The following CDH18 variants were observed in gnomAD, a reference collection of about 807,000 sequenced individuals.
CDH18 encodes the protein cadherin-18.
CDH18 carries 31 observed loss-of-function variants against 67.9 expected under a neutral mutation model. The observed-to-expected ratio is 0.46, with a 90% CI of 0.34 to 0.62. CDH18 has a LOEUF of 0.62. Among genes scored for constraint, CDH18 ranks in the 20% least tolerant of loss-of-function variants. The probability of loss-of-function intolerance (pLI) is 0.01; values close to 1 mark genes in which losing one functional copy is unlikely to be tolerated. For synonymous variants in CDH18, 362 were observed against 347.2 expected, an observed-to-expected ratio of 1.04 and a Z score of -0.48; for missense variants, 890 against 975.5, an observed-to-expected ratio of 0.91 and a Z score of 1.17.
chr5:19,560,915 C>T (rs1739339812), intron 8 of CDH18, among the ~76,000 whole-genome samples: 1 of 152,070 alleles, frequency 6.6e-6, no homozygotes, highest in Non-Finnish European at 1.5e-5. Flanking sequence ...AAAAATTCAA[C>T]ATCACGAATT....
At chr5:19,871,248 T>C (rs749705569) in intron 2 of CDH18, among the ~76,000 whole-genome samples, 2 of 152,224 alleles carry the variant, frequency 1.3e-5, no homozygotes, top group South Asian at 4.1e-4. Flanking sequence ...TTTAAGGCAC[T>C]GCCTGTCATA....
At chr5:20,540,418 AAAC>A (rs1756989779) in intron 1 of CDH18, among the ~76,000 whole-genome samples, 1 of 152,192 alleles carries the variant, frequency 6.6e-6, no homozygotes, top group East Asian at 1.9e-4. Context: ...ATAACAATGA[AAAC>A]AATAATGATA....
At chr5:20,147,217 G>A (rs1750713447) in intron 2 of CDH18, among the ~76,000 whole-genome samples, 1 of 152,014 alleles carries the variant, frequency 6.6e-6, no homozygotes, top group Non-Finnish European at 1.5e-5. Context: ...GACTTAATAA[G>A]GTTGATTCAA....
chr5:19,655,016 G>T (rs1291220706), intron 5 of CDH18, among the ~76,000 whole-genome samples: 3 of 152,198 alleles, frequency 2.0e-5, no homozygotes, highest in Non-Finnish European at 4.4e-5. Context: ...GGATAGGGGG[G>T]TGTGGCAGGC....
At chr5:19,520,464 C>A (rs147676608) in intron 10 of CDH18, among the ~76,000 whole-genome samples, 193 bp downstream of exon 10, 1 of 152,228 alleles carries the variant, frequency 6.6e-6, no homozygotes, top group South Asian at 2.1e-4. Flanking sequence ...AGTTACATTT[C>A]GGATCCAAAG....
chr5:19,980,299 C>T (rs967782984), intron 2 of CDH18, among the ~76,000 whole-genome samples: 1 of 151,952 alleles, frequency 6.6e-6, no homozygotes, highest in Admixed American at 6.6e-5. Context: ...TGAGAGAAAT[C>T]ATAGATGACA....
chr5:19,820,625 G>A (rs1779775496), intron 3 of CDH18, among the ~76,000 whole-genome samples: 1 of 152,222 alleles, frequency 6.6e-6, no homozygotes. Flanking sequence ...CCCTGTGAGA[G>A]AGTGCAGCCT....
intron 5 of CDH18, among the ~76,000 whole-genome samples, chr5:19,659,333 G>A (rs1245564715): frequency 1.3e-5 from 2 of 151,926 alleles, no homozygotes; most frequent in Non-Finnish European, 2.9e-5. Flanking sequence ...GCATGGCTTT[G>A]GATTAATGTC....
At chr5:19,538,494 T>C (rs1580087197) in intron 9 of CDH18, among the ~76,000 whole-genome samples, 1 of 152,160 alleles carries the variant, frequency 6.6e-6, no homozygotes, top group Admixed American at 6.5e-5. Flanking sequence ...CATAATGTCA[T>C]CTTTATCGCA....
At chr5:19,675,045 G>A (rs1456941507) in intron 5 of CDH18, among the ~76,000 whole-genome samples, 2 of 152,036 alleles carry the variant, frequency 1.3e-5, no homozygotes, top group East Asian at 1.9e-4. Context: ...CTGGGTGTCT[G>A]GGGGAGACAT....
intron 2 of CDH18, among the ~76,000 whole-genome samples, chr5:20,097,372 T>A (rs1580234345): frequency 6.6e-6 from 1 of 152,064 alleles, no homozygotes; most frequent in Non-Finnish European, 1.5e-5. Context: ...CAAAGGGACG[T>A]CTTAAGTGGT....
chr5:19,480,731 G>A (rs143871301), intron 12 of CDH18, among the ~76,000 whole-genome samples: 173 of 151,120 alleles, frequency 1.1e-3, no homozygotes, highest in African/African-American at 4.0e-3. Context: ...TACATTTACT[G>A]TACATATTTA....
intron 2 of CDH18, among the ~76,000 whole-genome samples, chr5:20,165,874 T>C: frequency 6.6e-6 from 1 of 152,260 alleles, no homozygotes; most frequent in African/African-American, 2.4e-5. Context: ...TAATTCTATA[T>C]ATTAGCACAA....
chr5:19,821,878 A>G (rs895140618), intron 3 of CDH18, among the ~76,000 whole-genome samples: 1 of 152,198 alleles, frequency 6.6e-6, no homozygotes, highest in South Asian at 2.1e-4. Flanking sequence ...TCATAAGTAA[A>G]GAAGAAAAAA....
At chr5:20,445,013 C>T (rs1043609856) in intron 1 of CDH18, among the ~76,000 whole-genome samples, 4 of 151,994 alleles carry the variant, frequency 2.6e-5, no homozygotes, top group Admixed American at 6.6e-5. Flanking sequence ...CTTTGTTGAC[C>T]GTCTAAAGCT....
intron 1 of CDH18, among the ~76,000 whole-genome samples, chr5:20,424,454 C>T (rs1404304244): frequency 6.7e-6 from 1 of 150,092 alleles, no homozygotes; most frequent in Non-Finnish European, 1.5e-5. Context: ...TCTGTTTCAT[C>T]AAAATGAGGA....
intron 2 of CDH18, among the ~76,000 whole-genome samples, chr5:19,972,596 A>T (rs1798131080): frequency 6.6e-6 from 1 of 151,992 alleles, no homozygotes; most frequent in African/African-American, 2.4e-5. Context: ...TAATACAATG[A>T]GATACCACTA....
At chr5:20,172,314 T>C (rs1736900423) in intron 2 of CDH18, among the ~76,000 whole-genome samples, 1 of 146,034 alleles carries the variant, frequency 6.8e-6, no homozygotes, top group East Asian at 2.0e-4. Context: ...CAAATCTACA[T>C]TACCAGTACA....
intron 6 of CDH18, among the ~76,000 whole-genome samples, chr5:19,608,278 T>A (rs986968046): frequency 5.9e-5 from 9 of 151,636 alleles, no homozygotes; most frequent in Non-Finnish European, 8.9e-5. Flanking sequence ...CGTTTCAAAA[T>A]ATATGCCTAC....
Sources: allele counts gnomAD v4.1 joint callset (sites outside exome capture counted in the v4.1 genomes callset), GRCh38; gene constraint gnomAD v4.1.1; transcripts MANE v1.5; gene names NCBI Gene and HGNC (gene_info 2026-07-23, HGNC 2026-07-21).